The following MYO3B variants were observed in gnomAD, a reference collection of about 807,000 sequenced individuals.
The protein encoded by MYO3B is myosin IIIB, also known as myosin-IIIb.
A neutral mutation model predicts 174.6 loss-of-function variants in MYO3B; 156 were observed. The observed-to-expected ratio is 0.89, with a 90% CI of 0.78 to 1.02. The LOEUF is 1.02. Among genes scored for constraint, MYO3B ranks in the 50% least tolerant of loss-of-function variants. MYO3B has a pLI of 0.00. For missense variants in MYO3B, 1,632 were observed against 1,639.4 expected (o/e 1.00, Z 0.08); for synonymous variants, 563 against 569.1 (o/e 0.99, Z 0.15).
chr2:170,226,307 A>G (rs997172875), intron 6 of MYO3B, among the ~76,000 whole-genome samples: 7 of 152,202 alleles, frequency 4.6e-5, no homozygotes, highest in African/African-American at 1.7e-4. Flanking sequence ...AGAGACATTC[A>G]TCTCTGAGAT....
chr2:170,441,445 T>C (rs2094800177), intron 22 of MYO3B, among the ~76,000 whole-genome samples: 1 of 152,336 alleles, frequency 6.6e-6, no homozygotes, highest in Middle Eastern at 3.4e-3. Flanking sequence ...AGAGGGTTCC[T>C]GGATCTTGCA....
chr2:170,259,003 G>T (rs560938006), intron 7 of MYO3B, among the ~76,000 whole-genome samples: 2 of 152,204 alleles, frequency 1.3e-5, no homozygotes, highest in African/African-American at 4.8e-5. Flanking sequence ...TCTAACCAAG[G>T]AGGTGAAAGA....
intron 4 of MYO3B, 39 bp downstream of exon 4, chr2:170,214,522 G>C (rs774572516): frequency 1.3e-6 from 2 of 1,587,868 alleles, no homozygotes; most frequent in Middle Eastern, 1.7e-4. Context: ...CAGCAGATGG[G>C]ATGGTTTGTT....
intron 25 of MYO3B, among the ~76,000 whole-genome samples, chr2:170,468,525 A>G (rs984500027): frequency 6.6e-6 from 1 of 152,114 alleles, no homozygotes; most frequent in African/African-American, 2.4e-5. Context: ...CAAGCCTAAA[A>G]TACTTTCTTG....
intron 23 of MYO3B, among the ~76,000 whole-genome samples, chr2:170,461,487 A>AAAAAG (rs1235580972): frequency 1.4e-5 from 2 of 143,330 alleles, no homozygotes; most frequent in African/African-American, 5.4e-5. Context: ...AAAAAAAAAA[A>AAAAAG]GGGCTGGGCC....
intron 22 of MYO3B, 75 bp from the exon 23 acceptor site, chr2:170,443,892 C>A: frequency 7.6e-7 from 1 of 1,324,232 alleles, no homozygotes. Flanking sequence ...TACAAGGACC[C>A]AAAGGGAAAA....
intron 7 of MYO3B, among the ~76,000 whole-genome samples, chr2:170,287,761 T>A (rs2093566973): frequency 6.6e-6 from 1 of 152,068 alleles, no homozygotes; most frequent in South Asian, 2.1e-4. Context: ...TTTGGTTGCC[T>A]GTGCTTATGA....
intron 7 of MYO3B, among the ~76,000 whole-genome samples, chr2:170,318,061 A>G (rs2093788147): frequency 6.6e-6 from 1 of 152,202 alleles, no homozygotes; most frequent in Non-Finnish European, 1.5e-5. Context: ...CGTCTGTGAA[A>G]TAAGAGTAAT....
chr2:170,202,171 T>C (rs2092669143), intron 3 of MYO3B, among the ~76,000 whole-genome samples: 1 of 152,172 alleles, frequency 6.6e-6, no homozygotes, highest in South Asian at 2.1e-4. Context: ...AGCTGAGCCT[T>C]GCGCAGGTGC....
At chr2:170,304,640 T>C (rs903805996) in intron 7 of MYO3B, among the ~76,000 whole-genome samples, 5 of 151,794 alleles carry the variant, frequency 3.3e-5, no homozygotes, top group African/African-American at 1.2e-4. Context: ...CTAACTTTTG[T>C]ATTTTTAGTA....
At chr2:170,262,835 T>A (rs895824775) in intron 7 of MYO3B, among the ~76,000 whole-genome samples, 1 of 152,214 alleles carries the variant, frequency 6.6e-6, no homozygotes, top group African/African-American at 2.4e-5. Context: ...TCCCAGGATG[T>A]AAGAGCCTTT....
At chr2:170,201,748 A>G (rs142176851) in intron 3 of MYO3B, among the ~76,000 whole-genome samples, 17 of 130,456 alleles carry the variant, frequency 1.3e-4, no homozygotes, top group African/African-American at 5.1e-4. Context: ...TTATCTTGCC[A>G]ATGAAGCTGT....
intron 30 of MYO3B, among the ~76,000 whole-genome samples, chr2:170,535,777 C>A (rs149772117): frequency 6.6e-6 from 1 of 152,152 alleles, no homozygotes; most frequent in East Asian, 1.9e-4. Flanking sequence ...CTTCCATCAC[C>A]GTCACCCAGG....
chr2:170,642,794 A>G (rs34743500), intron 32 of MYO3B, among the ~76,000 whole-genome samples: 8,942 of 152,196 alleles, frequency 0.059, 339 homozygotes, highest in East Asian at 0.12. Flanking sequence ...CTACCAGGGC[A>G]TACTTCCCTG....
chr2:170,576,993 C>G (rs1692826289), intron 32 of MYO3B, among the ~76,000 whole-genome samples: 1 of 152,174 alleles, frequency 6.6e-6, no homozygotes, highest in African/African-American at 2.4e-5. Context: ...TAGCCCCAAT[C>G]CTAGCTAATC....
chr2:170,392,051 A>T (rs2094415394), intron 15 of MYO3B, among the ~76,000 whole-genome samples: 1 of 144,164 alleles, frequency 6.9e-6, no homozygotes, highest in Non-Finnish European at 1.5e-5. Context: ...TGAACCTGGG[A>T]GGTCGAGGCT....
At chr2:170,252,463 T>A (rs1165352191) in intron 7 of MYO3B, among the ~76,000 whole-genome samples, 1 of 152,164 alleles carries the variant, frequency 6.6e-6, no homozygotes, top group African/African-American at 2.4e-5. Flanking sequence ...TGTGTATGAG[T>A]AGTGGCCTAC....
intron 6 of MYO3B, among the ~76,000 whole-genome samples, chr2:170,223,725 TA>T (rs1302519804): frequency 1.3e-5 from 2 of 152,206 alleles, no homozygotes; most frequent in African/African-American, 2.4e-5. Flanking sequence ...AGTTGATACC[TA>T]AAAAACTTTT....
At chr2:170,500,522 C>T (rs1264680317) in intron 27 of MYO3B, among the ~76,000 whole-genome samples, 1 of 152,178 alleles carries the variant, frequency 6.6e-6, no homozygotes, top group Non-Finnish European at 1.5e-5. Flanking sequence ...CCTGCATTTG[C>T]TGCTACCCAG....
Sources: gnomAD v4.1 joint callset for allele counts (sites outside exome capture counted in the v4.1 genomes callset) on GRCh38, gnomAD v4.1.1 for gene constraint, MANE v1.5 for transcripts, NCBI Gene and HGNC (gene_info 2026-07-23, HGNC 2026-07-21) for gene names.